The following CASC3 variants were observed in gnomAD, a reference collection of about 807,000 sequenced individuals.
CASC3 encodes the protein CASC3 exon junction complex subunit, also known as protein CASC3.
CASC3 carries 30 observed loss-of-function variants against 80.5 expected under a neutral mutation model. The ratio of observed to expected loss-of-function variants is 0.37; its 90% CI spans 0.28 to 0.51. The LOEUF (loss-of-function observed/expected upper bound fraction) is 0.51, where lower values mean the gene tolerates loss of function less well. Ranked by LOEUF, CASC3 falls within the 20% of genes least tolerant of loss-of-function variation. CASC3 has a pLI of 0.94. For synonymous variants in CASC3, 312 were observed against 333.6 expected, an observed-to-expected ratio of 0.94 and a Z score of 0.70; for missense variants, 824 against 922.2, an observed-to-expected ratio of 0.89 and a Z score of 1.38.
Position 40,163,644 on chromosome 17 carries a change from G to C in CASC3, c.949G>C (p.Gly317Arg). Residue 317 changes from glycine to arginine, a missense_variant, in exon 7 of 14, where the codon GGG becomes CGG. Coordinates refer to ENST00000264645, the MANE Select transcript of CASC3 (RefSeq NM_007359.5). ...MSAPRNYSRSGGFKEGRAGFR... is the reference protein window; with the variant it reads ...MSAPRNYSRSRGFKEGRAGFR... ...TGCACCCAGGAATTATTCTCGATCT[G>C]GGGGCTTCAAGGAAGGTCGTGCTGG... 5.6e-6 allele frequency: 9 copies of C among 1,614,144 alleles called. No individual in the cohort carries two copies. The highest frequency in any genetic ancestry group is 7.6e-6 in the Non-Finnish European group (9 of 1,180,016).
chr17:40,160,655 C>T (rs1217760080), intron 3 of CASC3, among the ~76,000 whole-genome samples: 4 of 151,658 alleles, frequency 2.6e-5, no homozygotes, highest in South Asian at 2.1e-4. Flanking sequence ...TTTGCTTTTT[C>T]GAGATGGAGT....
chr17:40,162,614 G>T, intron 5 of CASC3, 111 bp from the exon 6 acceptor site: 2 of 925,412 alleles, frequency 2.2e-6, no homozygotes, highest in Non-Finnish European at 3.3e-6. Flanking sequence ...ATGATGAGGA[G>T]ACTACGTAAA....
chr17:40,162,568 G>A (rs1989329520), intron 5 of CASC3, among the ~76,000 whole-genome samples, 157 bp from the exon 6 acceptor site: 1 of 152,126 alleles, frequency 6.6e-6, no homozygotes. Context: ...ATTCACGCTT[G>A]CTTTGGGGAG....
chr17:40,171,495 TC>T lies in CASC3; in HGVS notation c.*1092del. On this transcript the variant is annotated 3_prime_UTR_variant, in exon 14 of 14. Coordinates refer to ENST00000264645, the MANE Select transcript of CASC3 (RefSeq NM_007359.5). Reference sequence around the variant, plus strand: ...TTGCAATTGCTCTTCTCCACGTCTTTCCTGCTACAAGTGTTTTAGATGTTAC... The same window carrying T: ...TTGCAATTGCTCTTCTCCACGTCTTTCTGCTACAAGTGTTTTAGATGTTAC... 2 of 987,900 alleles carry T rather than the reference TC, an allele frequency of 2.0e-6. No individual in the cohort carries two copies. The highest frequency in any genetic ancestry group is 9.3e-5 in the South Asian group (2 of 21,434). The allele number at this position is 987,900 out of a possible 1,614,324, so 61.2% of individuals were successfully genotyped here. A position where few individuals can be genotyped will look rare whatever the true frequency, so the allele number is the denominator to read the frequency against.
At position 40,157,067 on chromosome 17, in the gene CASC3, C is replaced by T. The variant is rs552932794; in HGVS notation, c.298-4686C>T. On this transcript the variant is annotated intron_variant, in intron 3 of 13. Coordinates refer to ENST00000264645, the MANE Select transcript of CASC3 (RefSeq NM_007359.5). ...GTTAAAAAAATAAAAGGGGGTTGGC[C>T]GGGCGCGGTGGCTCACGCCTGTAAT... Among the ~76,000 whole-genome samples, 209 of 152,068 alleles carry T rather than the reference C, an allele frequency of 1.4e-3. 1 individual carries two copies. Among genetic ancestry groups the T allele is most frequent in the African/African-American group, 4.6e-3 (189 of 41,494 alleles).
chr17:40,166,803 C>T lies in CASC3; in HGVS notation c.1478C>T (p.Pro493Leu). 2.5e-6 allele frequency: 4 copies of T among 1,595,904 alleles called. No homozygotes were observed. Among genetic ancestry groups the T allele is most frequent in the Non-Finnish European group, 3.4e-6 (4 of 1,174,234 alleles). Residue 493 changes from proline to leucine, a missense_variant, in exon 8 of 14, where the codon CCC becomes CTC. Around this residue, in one of 3 missense-constraint regions of CASC3, gnomAD observed 464 missense variants for 506.0 expected, o/e 0.92. Transcript: ENST00000264645. ...FLQPRELRGM[P>L]NHIHMGAGPP... Reference sequence around the variant, plus strand: ...CTTTTTTGGTGTATTACAGGTATGCCCAACCATATACACATGGGAGCAGGA... The same window carrying T: ...CTTTTTTGGTGTATTACAGGTATGCTCAACCATATACACATGGGAGCAGGA...
Position 40,161,794 on chromosome 17 carries a change from G to A in CASC3, c.339G>A (p.Val113=). 1 of 1,614,108 alleles carries A rather than the reference G, an allele frequency of 6.2e-7. No individual in the cohort carries two copies. The highest frequency in any genetic ancestry group is 8.5e-7 in the Non-Finnish European group (1 of 1,180,016). Reference sequence around the variant, plus strand: ...ACAGTGAAGAGGAAAACTCCAAAGTGGAGCTGAAATCAGAAGCTAATGATG... The same window carrying A: ...ACAGTGAAGAGGAAAACTCCAAAGTAGAGCTGAAATCAGAAGCTAATGATG... The part of the protein sequence containing the change: ...GEYSEEENSK[V]ELKSEANDAV... Residue 113 remains valine, a synonymous_variant, in exon 4 of 14, where the codon GTG becomes GTA. Coordinates refer to ENST00000264645, the MANE Select transcript of CASC3 (RefSeq NM_007359.5).
intron 3 of CASC3, among the ~76,000 whole-genome samples, chr17:40,145,646 G>C (rs535201789): frequency 2.3e-4 from 35 of 152,038 alleles, no homozygotes; most frequent in African/African-American, 7.7e-4. Flanking sequence ...GCTTGAGCCT[G>C]GGAAGTGAAG....
chr17:40,159,553 T>TC (rs1478759370), intron 3 of CASC3, among the ~76,000 whole-genome samples: 1 of 138,124 alleles, frequency 7.2e-6, no homozygotes, highest in East Asian at 2.0e-4. Flanking sequence ...TGTTTTTTTT[T>TC]TTTTTTTTTT....
chr17:40,157,083 C>A (rs892200868), intron 3 of CASC3, among the ~76,000 whole-genome samples: 2 of 151,972 alleles, frequency 1.3e-5, no homozygotes, highest in African/African-American at 4.8e-5. Context: ...CGGTGGCTCA[C>A]GCCTGTAATC....
chr17:40,161,374 C>T (rs1172244535), intron 3 of CASC3, among the ~76,000 whole-genome samples: 3 of 151,938 alleles, frequency 2.0e-5, no homozygotes, highest in South Asian at 2.1e-4. Flanking sequence ...TAAATGTATT[C>T]CTAAAGAGTA....
intron 3 of CASC3, among the ~76,000 whole-genome samples, chr17:40,149,806 C>T (rs554385494): frequency 2.1e-4 from 31 of 150,662 alleles, no homozygotes; most frequent in African/African-American, 6.8e-4. Context: ...GAGATCGAGA[C>T]CATCCTGGCT....
Position 40,162,756 on chromosome 17 carries a change from G to A in CASC3, c.640G>A (p.Asp214Asn). The change falls in exon 6 of 14, where the codon GAT becomes AAT. Residue 214 changes from aspartate (D) to asparagine (N), a missense_variant. Physicochemically the swap from Asp to Asn is conservative, Grantham distance 23. Coordinates refer to ENST00000264645, the MANE Select transcript of CASC3 (RefSeq NM_007359.5). Reference protein sequence around the residue: ...PKGRQRKLWKDEGRWEHDKFR... With the variant: ...PKGRQRKLWKNEGRWEHDKFR... ...GGGGCGTCAGCGAAAGCTATGGAAG[G>A]ATGAGGGTCGCTGGGAGCATGACAA... The A allele has an allele frequency of 6.2e-7, 1 of 1,614,030 alleles. No homozygotes were observed. Among genetic ancestry groups the A allele is most frequent in the Non-Finnish European group, 8.5e-7 (1 of 1,180,010 alleles).
At chr17:40,157,072 G>A (rs1989165440) in intron 3 of CASC3, among the ~76,000 whole-genome samples, 2 of 152,198 alleles carry the variant, frequency 1.3e-5, no homozygotes, top group African/African-American at 4.8e-5. Flanking sequence ...TTGGCCGGGC[G>A]CGGTGGCTCA....
chr17:40,143,108 TA>T (rs1988764703), intron 3 of CASC3, among the ~76,000 whole-genome samples: 1 of 146,258 alleles, frequency 6.8e-6, no homozygotes, highest in Non-Finnish European at 1.5e-5. Context: ...AATAAATAAA[TA>T]AAAGAAAGGC....
chr17:40,155,057 T>C (rs1989111801), intron 3 of CASC3, among the ~76,000 whole-genome samples: 1 of 151,572 alleles, frequency 6.6e-6, no homozygotes, highest in Non-Finnish European at 1.5e-5. Flanking sequence ...GCCCAGCTGA[T>C]TTTTTGTATT....
At position 40,167,628 on chromosome 17, in the gene CASC3, C is replaced by T; in HGVS notation, c.1651+16C>T. 4 of 1,583,674 alleles carry T rather than the reference C, an allele frequency of 2.5e-6. No homozygotes were observed. Among genetic ancestry groups the T allele is most frequent in the Non-Finnish European group, 3.5e-6 (4 of 1,152,732 alleles). On this transcript the variant is annotated intron_variant, in intron 9 of 13. Transcript: ENST00000264645. ...TATGATCCACGTGAGTTTTTTCTTA[C>T]TGTTGGGGTACTTTTCTTGGCAGGG... is the stretch of plus-strand genomic sequence containing the variant.
At position 40,140,641 on chromosome 17, in the gene CASC3, G is replaced by C. The variant is rs1009204314; in HGVS notation, c.93G>C (p.Arg31=). 3 of 1,607,702 alleles carry C rather than the reference G, an allele frequency of 1.9e-6. No homozygotes were observed. Among genetic ancestry groups the C allele is most frequent in the Admixed American group, 1.7e-5 (1 of 59,752 alleles). ...SGSDSGGSPL[R]GGGSCSGSAG... is the part of the protein sequence containing the mutation. ...CCGACAGCGGCGGCTCCCCGTTGCG[G>C]GGAGGCGGGAGCTGCAGCGGTAGCG... is the stretch of plus-strand genomic sequence containing the variant. Residue 31 remains arginine, a synonymous_variant, in exon 1 of 14, where the codon CGG becomes CGC. Transcript: ENST00000264645.
intron 5 of CASC3, among the ~76,000 whole-genome samples, chr17:40,162,411 G>A (rs1467220675): frequency 6.6e-6 from 1 of 152,154 alleles, no homozygotes. Flanking sequence ...AGTCTGAGGT[G>A]TAAGGCGTCT....
Sources: allele counts gnomAD v4.1 joint callset (sites outside exome capture counted in the v4.1 genomes callset), GRCh38; gene constraint gnomAD v4.1.1; regional missense constraint gnomAD v4.1.1; transcripts MANE v1.5; gene names NCBI Gene and HGNC (gene_info 2026-07-23, HGNC 2026-07-21).